The following PAIP2B variants were observed in gnomAD, a reference collection of about 807,000 sequenced individuals.
PAIP2B encodes the protein polyadenylate-binding protein-interacting protein 2B.
PAIP2B carries 13 observed loss-of-function variants against 17.0 expected under a neutral mutation model. The observed-to-expected ratio is 0.76, with a 90% CI of 0.50 to 1.22. The LOEUF (loss-of-function observed/expected upper bound fraction) is 1.22, where lower values mean the gene tolerates loss of function less well. Ranked by LOEUF, PAIP2B falls within the 50% of genes most tolerant of loss-of-function variation. PAIP2B has a pLI of 0.00. For synonymous variants in PAIP2B, 43 were observed against 48.7 expected (o/e 0.88, Z 0.48); for missense variants, 117 against 144.5 (o/e 0.81, Z 0.98).
chr2:71,206,481 T>C (rs1443472544), intron 1 of PAIP2B, among the ~76,000 whole-genome samples: 1 of 152,208 alleles, frequency 6.6e-6, no homozygotes, highest in Admixed American at 6.5e-5. Flanking sequence ...TGCTAAGGCC[T>C]GCCAAGCATT....
chr2:71,213,417 G>A (rs1675349757), intron 1 of PAIP2B, among the ~76,000 whole-genome samples: 2 of 152,178 alleles, frequency 1.3e-5, no homozygotes, highest in Admixed American at 6.5e-5. Flanking sequence ...CTCTTTGAAA[G>A]TTAATCTGGG....
At chr2:71,220,917 A>G (rs1572939761) in intron 1 of PAIP2B, among the ~76,000 whole-genome samples, 1 of 152,178 alleles carries the variant, frequency 6.6e-6, no homozygotes, top group Non-Finnish European at 1.5e-5. Flanking sequence ...CTGCTCACCC[A>G]TCTGTCTCCC....
chr2:71,216,904 T>G (rs954252301), intron 1 of PAIP2B, among the ~76,000 whole-genome samples: 7 of 152,216 alleles, frequency 4.6e-5, no homozygotes, highest in African/African-American at 1.7e-4. Context: ...ATGAGTTAAA[T>G]AAGAACAAAT....
chr2:71,192,991 G>T (rs1674725257), intron 2 of PAIP2B, among the ~76,000 whole-genome samples: 2 of 152,282 alleles, frequency 1.3e-5, no homozygotes, highest in South Asian at 4.1e-4. Flanking sequence ...TGTAGTTTTA[G>T]CTCTTTGAGG....
intron 1 of PAIP2B, among the ~76,000 whole-genome samples, chr2:71,216,776 C>T (rs1572937256): frequency 1.3e-5 from 2 of 152,298 alleles, no homozygotes; most frequent in East Asian, 3.9e-4. Context: ...GTGTTTCTTT[C>T]TGTAGGCCCA....
At chr2:71,188,610 G>C in intron 3 of PAIP2B, 75 bp from the exon 4 acceptor site, 1 of 1,242,426 alleles carries the variant, frequency 8.0e-7, no homozygotes, top group East Asian at 2.5e-5. Context: ...ATCATTATCA[G>C]TACCTTCCCC....
intron 2 of PAIP2B, among the ~76,000 whole-genome samples, chr2:71,190,715 T>A (rs1339582926): frequency 1.3e-5 from 2 of 152,198 alleles, no homozygotes; most frequent in African/African-American, 4.8e-5. Flanking sequence ...CCTTCTTAAA[T>A]TTCCCATTTT....
intron 2 of PAIP2B, among the ~76,000 whole-genome samples, chr2:71,191,746 T>C (rs1309759721): frequency 6.6e-6 from 1 of 152,184 alleles, no homozygotes; most frequent in African/African-American, 2.4e-5. Flanking sequence ...GCTGCTGGAC[T>C]TCCCAGTTTT....
chr2:71,223,292 A>T (rs1346324694), intron 1 of PAIP2B, among the ~76,000 whole-genome samples: 3 of 152,144 alleles, frequency 2.0e-5, no homozygotes, highest in Non-Finnish European at 4.4e-5. Context: ...GTGAGCCTAT[A>T]ATCCCAGCTA....
chr2:71,194,492 T>G lies in PAIP2B; in HGVS notation c.139-4471A>C, dbSNP rs12614313. On this transcript the variant is annotated intron_variant, in intron 2 of 3. Transcript: ENST00000244221. ...GTGTGTGTGTGTGTGTGTGTGTGTG[T>G]GGCAACTGTGAATGGGATTGCCTTT... 1.0e-3 allele frequency among the ~76,000 whole-genome samples: 134 copies of G among 134,428 alleles called. 6 individuals are homozygous for G. The East Asian group carries it at 0.095, about 95-fold the overall frequency. The allele number at this position is 134,428 out of a possible 152,430, so 88.2% of individuals were successfully genotyped here.
rs561105006 is a variant in PAIP2B at position 71,224,144 on chromosome 2, G to A, written c.-12+2784C>T. 4.6e-5 allele frequency among the ~76,000 whole-genome samples: 7 copies of A among 152,300 alleles called. No homozygotes were observed. The South Asian group carries it at 8.3e-4, about 18-fold the overall frequency. ...CAGAGACAGCAGAGGGCAGTGCAGCGTAGTGCAAGAAGCTCTGGCTCTGGG... is the reference window on the plus strand; with the variant it reads ...CAGAGACAGCAGAGGGCAGTGCAGCATAGTGCAAGAAGCTCTGGCTCTGGG... On this transcript the variant is annotated intron_variant, in intron 1 of 3. Coordinates refer to ENST00000244221, the MANE Select transcript of PAIP2B (RefSeq NM_020459.1).
intron 1 of PAIP2B, among the ~76,000 whole-genome samples, chr2:71,208,409 C>T (rs771177867): frequency 4.7e-5 from 7 of 150,212 alleles, no homozygotes; most frequent in Non-Finnish European, 1.0e-4. Flanking sequence ...GGTGATGGAG[C>T]GAGACTCCAT....
At chr2:71,212,526 T>C (rs1675327206) in intron 1 of PAIP2B, among the ~76,000 whole-genome samples, 1 of 152,244 alleles carries the variant, frequency 6.6e-6, no homozygotes, top group African/African-American at 2.4e-5. Context: ...TGAGCACTCT[T>C]CGTTGAGTAT....
Position 71,188,409 on chromosome 2 carries a change from G to C in PAIP2B, c.*70C>G. The C allele has an allele frequency of 7.6e-7, 1 of 1,316,596 alleles. No individual in the cohort carries two copies. The highest frequency in any genetic ancestry group is 1.1e-6 in the Non-Finnish European group (1 of 934,492). 81.6% of individuals were successfully genotyped at this position (1,316,596 alleles called of 1,614,324 possible). ...CTCGCCCGCCCCATCCCCCTCTTCA[G>C]CTCCACCATTTTGTGCATTACTATC... On this transcript the variant is annotated 3_prime_UTR_variant, in exon 4 of 4. Coordinates refer to ENST00000244221, the MANE Select transcript of PAIP2B (RefSeq NM_020459.1).
chr2:71,202,167 C>G (rs564772495), intron 2 of PAIP2B, among the ~76,000 whole-genome samples: 1 of 152,126 alleles, frequency 6.6e-6, no homozygotes, highest in Non-Finnish European at 1.5e-5. Context: ...TGGGCTCTCA[C>G]GTGAGGATGT....
chr2:71,192,949 C>T (rs544332718), intron 2 of PAIP2B, among the ~76,000 whole-genome samples: 4 of 152,278 alleles, frequency 2.6e-5, no homozygotes, highest in Non-Finnish European at 4.4e-5. Context: ...TCCTCTGGGT[C>T]TACAACCAGT....
chr2:71,189,997 C>A lies in PAIP2B; in HGVS notation c.163G>T (p.Asp55Tyr). 2 of 1,612,400 alleles carry A rather than the reference C, an allele frequency of 1.2e-6. No individual in the cohort carries two copies. The highest frequency in any genetic ancestry group is 1.7e-6 in the Non-Finnish European group (2 of 1,179,326). Residue 55 changes from aspartate (D) to tyrosine (Y), a missense_variant, in exon 3 of 4, where the codon GAC becomes TAC. Asp to Tyr is a radical substitution (Grantham distance 160). Coordinates refer to ENST00000244221, the MANE Select transcript of PAIP2B (RefSeq NM_020459.1). ...RQVEEELQEQDFLDRCFQEML... is the reference protein window; with the variant it reads ...RQVEEELQEQYFLDRCFQEML... ...TCTTGGAAGCAGCGGTCCAAGAAGTCTTGCTCCTGCAGTTCCTCCTCCACC... is the reference window on the plus strand; with the variant it reads ...TCTTGGAAGCAGCGGTCCAAGAAGTATTGCTCCTGCAGTTCCTCCTCCACC...
chr2:71,221,159 T>C (rs1675570510), intron 1 of PAIP2B, among the ~76,000 whole-genome samples: 2 of 152,380 alleles, frequency 1.3e-5, no homozygotes, highest in Middle Eastern at 3.4e-3. Flanking sequence ...TCTATGGTCA[T>C]AGCTAACTCA....
intron 3 of PAIP2B, among the ~76,000 whole-genome samples, chr2:71,189,169 T>G (rs369139608): frequency 1.3e-5 from 2 of 152,070 alleles, no homozygotes; most frequent in East Asian, 3.9e-4. Context: ...CGCACCACCA[T>G]GCCTGGCTAA....
Sources: allele counts gnomAD v4.1 joint callset (sites outside exome capture counted in the v4.1 genomes callset), GRCh38; gene constraint gnomAD v4.1.1; transcripts MANE v1.5; gene names NCBI Gene and HGNC (gene_info 2026-07-23, HGNC 2026-07-21).